Variants in LRRTM3 observed in about 807,000 individuals in gnomAD.
LRRTM3 encodes leucine rich repeat transmembrane neuronal 3.
In LRRTM3, 24 loss-of-function variants were observed where a neutral mutation model predicts 44.7. That is an observed-to-expected ratio of 0.54 (90% CI 0.39 to 0.76). The LOEUF is 0.76. Among genes scored for constraint, LRRTM3 ranks in the 30% least tolerant of loss-of-function variants. LRRTM3 has a pLI of 0.00. For missense variants in LRRTM3, 587 were observed against 702.2 expected (o/e 0.84, Z 1.85); for synonymous variants, 277 against 278.7 (o/e 0.99, Z 0.06).
chr10:67,044,927 T>C (rs544962401), intron 2 of LRRTM3, among the ~76,000 whole-genome samples: 1 of 152,290 alleles, frequency 6.6e-6, no homozygotes, highest in East Asian at 1.9e-4. Flanking sequence ...AAAACGGGGA[T>C]AACCAGAAGC....
At chr10:67,047,057 T>C (rs1388926679) in intron 2 of LRRTM3, among the ~76,000 whole-genome samples, 1 of 152,176 alleles carries the variant, frequency 6.6e-6, no homozygotes, top group Non-Finnish European at 1.5e-5. Flanking sequence ...CTGTATCTGA[T>C]TCCTTGCTTC....
intron 2 of LRRTM3, among the ~76,000 whole-genome samples, chr10:67,081,241 T>C (rs1343053815): frequency 6.6e-6 from 1 of 152,196 alleles, no homozygotes; most frequent in African/African-American, 2.4e-5. Context: ...GCATTTAAAA[T>C]GCTTAATTCT....
At chr10:67,002,090 T>C (rs1234868766) in intron 2 of LRRTM3, among the ~76,000 whole-genome samples, 1 of 152,140 alleles carries the variant, frequency 6.6e-6, no homozygotes, top group African/African-American at 2.4e-5. Flanking sequence ...TTTCTTCACC[T>C]AAAAAAATGA....
intron 2 of LRRTM3, among the ~76,000 whole-genome samples, chr10:66,962,064 T>C (rs542204100): frequency 1.8e-4 from 27 of 152,298 alleles, no homozygotes; most frequent in South Asian, 4.1e-4. Flanking sequence ...TCTTGGTTTA[T>C]TGAAGTAAGG....
intron 2 of LRRTM3, among the ~76,000 whole-genome samples, chr10:67,061,427 C>G (rs968869570): frequency 6.6e-6 from 1 of 152,276 alleles, no homozygotes; most frequent in Non-Finnish European, 1.5e-5. Context: ...TTATTGTTAA[C>G]TCCCCCTGTC....
intron 2 of LRRTM3, among the ~76,000 whole-genome samples, chr10:67,086,129 T>A (rs1464089501): frequency 6.6e-6 from 1 of 152,038 alleles, no homozygotes; most frequent in African/African-American, 2.4e-5. Context: ...GATGGATAGA[T>A]AAATGGATGA....
At chr10:67,036,476 C>T (rs925383093) in intron 2 of LRRTM3, among the ~76,000 whole-genome samples, 5 of 151,998 alleles carry the variant, frequency 3.3e-5, no homozygotes, top group Non-Finnish European at 5.9e-5. Flanking sequence ...TCAGCCTGGC[C>T]AACATGGTGA....
intron 2 of LRRTM3, among the ~76,000 whole-genome samples, chr10:66,979,501 C>T (rs531913032): frequency 3.3e-5 from 5 of 152,068 alleles, no homozygotes; most frequent in Non-Finnish European, 4.4e-5. Context: ...TGGAAAATTT[C>T]GGCCCAGGGT....
At chr10:67,029,745 A>T (rs1853605839) in intron 2 of LRRTM3, among the ~76,000 whole-genome samples, 1 of 152,224 alleles carries the variant, frequency 6.6e-6, no homozygotes, top group Admixed American at 6.5e-5. Context: ...CTGTGATTCT[A>T]TATCAAAAAC....
chr10:66,926,643 T>G, intron 1 of LRRTM3, 56 bp downstream of exon 1: 1 of 1,573,314 alleles, frequency 6.4e-7, no homozygotes, highest in Non-Finnish European at 8.7e-7. Context: ...AAAAAACCTC[T>G]AGTGTGTGTA....
intron 2 of LRRTM3, among the ~76,000 whole-genome samples, chr10:66,941,772 A>G (rs1848008763): frequency 1.3e-5 from 2 of 152,214 alleles, no homozygotes; most frequent in African/African-American, 4.8e-5. Flanking sequence ...GAGCACACAA[A>G]TGACATCTTA....
At chr10:66,947,015 T>C (rs529179117) in intron 2 of LRRTM3, among the ~76,000 whole-genome samples, 50 of 152,274 alleles carry the variant, frequency 3.3e-4, no homozygotes, top group Non-Finnish European at 4.9e-4. Flanking sequence ...GAGGTAATCA[T>C]CTTTTTAAGT....
chr10:66,931,555 A>T (rs1847395600), intron 2 of LRRTM3, among the ~76,000 whole-genome samples: 1 of 152,194 alleles, frequency 6.6e-6, no homozygotes, highest in Non-Finnish European at 1.5e-5. Flanking sequence ...AGTGACCTCT[A>T]GTGTCTGGTT....
At chr10:66,942,040 G>T (rs539497887) in intron 2 of LRRTM3, among the ~76,000 whole-genome samples, 1 of 152,142 alleles carries the variant, frequency 6.6e-6, no homozygotes, top group South Asian at 2.1e-4. Flanking sequence ...TAGCCTGGTA[G>T]CACGGCATGG....
intron 2 of LRRTM3, among the ~76,000 whole-genome samples, chr10:67,026,234 T>C (rs1334485052): frequency 1.3e-5 from 2 of 151,524 alleles, no homozygotes; most frequent in African/African-American, 4.9e-5. Context: ...ATTGTGCACA[T>C]GTACCCTAAA....
intron 2 of LRRTM3, among the ~76,000 whole-genome samples, chr10:66,972,594 A>G (rs1304047953): frequency 6.6e-6 from 1 of 152,148 alleles, no homozygotes; most frequent in Non-Finnish European, 1.5e-5. Flanking sequence ...TTCAGTTGAT[A>G]AAAATTTATT....
Position 66,926,045 on chromosome 10 carries a change from A to T in LRRTM3, c.-539A>T, listed in dbSNP as rs752474257. 1 of 457,010 alleles carries T rather than the reference A, an allele frequency of 2.2e-6. No individual in the cohort carries two copies. Among genetic ancestry groups the T allele is most frequent in the South Asian group, 1.5e-5 (1 of 64,572 alleles). The allele number at this position is 457,010 out of a possible 1,614,324, so 28.3% of individuals were successfully genotyped here. A position where few individuals can be genotyped will look rare whatever the true frequency, so the allele number is the denominator to read the frequency against. On this transcript the variant is annotated 5_prime_UTR_variant, in exon 1 of 3. Coordinates refer to ENST00000361320, the MANE Select transcript of LRRTM3 (RefSeq NM_178011.5). Reference sequence around the variant, plus strand: ...TCACTGAAACCAAAGCAACAGTCCGAGCAGCTTTCAGAATGACAGTCTGCA... The same window carrying T: ...TCACTGAAACCAAAGCAACAGTCCGTGCAGCTTTCAGAATGACAGTCTGCA...
intron 2 of LRRTM3, among the ~76,000 whole-genome samples, chr10:66,985,724 ATTTG>A (rs556516524): frequency 9.2e-5 from 14 of 151,974 alleles, no homozygotes; most frequent in African/African-American, 1.7e-4. Flanking sequence ...CTGTTTGTTT[ATTTG>A]TTTGTTTGTT....
chr10:67,046,976 G>A (rs1262499257), intron 2 of LRRTM3, among the ~76,000 whole-genome samples: 1 of 152,194 alleles, frequency 6.6e-6, no homozygotes, highest in East Asian at 1.9e-4. Context: ...AGAGGGTACA[G>A]AGGGTAGAAA....
Sources: gnomAD v4.1 joint callset for allele counts (sites outside exome capture counted in the v4.1 genomes callset) on GRCh38, gnomAD v4.1.1 for gene constraint, MANE v1.5 for transcripts, NCBI Gene and HGNC (gene_info 2026-07-23, HGNC 2026-07-21) for gene names.